USPL1: variants seen among roughly 807,000 people sequenced by gnomAD.
USPL1 encodes the protein ubiquitin specific peptidase like 1.
In USPL1, 27 loss-of-function variants were observed where a neutral mutation model predicts 51.5. That is an observed-to-expected ratio of 0.52 (90% CI 0.39 to 0.72). The LOEUF (loss-of-function observed/expected upper bound fraction) is 0.72. Ranked by LOEUF, USPL1 falls within the 30% of genes least tolerant of loss-of-function variation. The probability of loss-of-function intolerance (pLI) is 0.00; values close to 1 mark genes in which losing one functional copy is unlikely to be tolerated. For missense variants in USPL1, 1,226 were observed against 1,268.0 expected (o/e 0.97, Z 0.50); for synonymous variants, 451 against 459.6 (o/e 0.98, Z 0.24).
chr13:30,639,941 G>C (rs1262571834), intron 5 of USPL1, among the ~76,000 whole-genome samples: 1 of 152,114 alleles, frequency 6.6e-6, no homozygotes, highest in African/African-American at 2.4e-5. Flanking sequence ...CCTCCGCCAT[G>C]GGCCTGGTTT....
At chr13:30,629,301 T>A (rs1009555740) in intron 3 of USPL1, among the ~76,000 whole-genome samples, 9 of 152,000 alleles carry the variant, frequency 5.9e-5, no homozygotes, top group Non-Finnish European at 4.4e-5. Context: ...CCCAGGAGTT[T>A]GAGAGCAGCC....
intron 5 of USPL1, among the ~76,000 whole-genome samples, chr13:30,639,523 G>A (rs1202816860): frequency 6.6e-6 from 1 of 151,992 alleles, no homozygotes; most frequent in Non-Finnish European, 1.5e-5. Flanking sequence ...CTGAAGAACT[G>A]TTGTAATTTA....
intron 4 of USPL1, among the ~76,000 whole-genome samples, chr13:30,635,533 T>TTAC (rs1566051564): frequency 1.3e-5 from 2 of 152,006 alleles, no homozygotes; most frequent in African/African-American, 4.8e-5. Flanking sequence ...TAAATTATTA[T>TTAC]GGCTACCTTG....
chr13:30,652,584 A>G (rs1235422724), intron 7 of USPL1, among the ~76,000 whole-genome samples: 1 of 152,264 alleles, frequency 6.6e-6, no homozygotes, highest in Non-Finnish European at 1.5e-5. Context: ...ATTGACCAAT[A>G]TGTTGTATTT....
At chr13:30,634,508 CTTG>C (rs770695744) in intron 4 of USPL1, among the ~76,000 whole-genome samples, 7 of 152,088 alleles carry the variant, frequency 4.6e-5, no homozygotes, top group African/African-American at 1.7e-4. Context: ...ACCTTTTTTT[CTTG>C]TTGTAAAAAT....
intron 1 of USPL1, among the ~76,000 whole-genome samples, chr13:30,619,235 A>C (rs112732966): frequency 6.6e-5 from 10 of 152,298 alleles, no homozygotes; most frequent in African/African-American, 2.4e-4. Context: ...TGGAAGAAGA[A>C]CTGGGGAGCC....
chr13:30,628,849 G>A (rs1345780303), intron 3 of USPL1, among the ~76,000 whole-genome samples: 1 of 152,230 alleles, frequency 6.6e-6, no homozygotes, highest in Non-Finnish European at 1.5e-5. Flanking sequence ...TGCAGTGAAT[G>A]TGGGTGTGCA....
Position 30,658,386 on chromosome 13 carries a change from T to C in USPL1, c.2309T>C (p.Phe770Ser), listed in dbSNP as rs1951199417. Residue 770 changes from phenylalanine to serine, a missense_variant, in exon 9 of 9, where the codon TTT becomes TCT. Phe to Ser is a radical substitution (Grantham distance 155, BLOSUM62 -2). Coordinates refer to ENST00000255304, the MANE Select transcript of USPL1 (RefSeq NM_005800.5). ...GGCTTAATAAGCAGGGGTGCTTCTT[T>C]TATGCCACTCTGTGTTTCAGCTCAT... The part of the protein sequence containing the change: ...VKGLISRGAS[F>S]MPLCVSAHNR... 1.2e-6 allele frequency: 2 copies of C among 1,613,676 alleles called. No individual in the cohort carries two copies. Among genetic ancestry groups the C allele is most frequent in the Non-Finnish European group, 1.7e-6 (2 of 1,180,002 alleles).
chr13:30,654,459 C>T (rs1951133765), intron 8 of USPL1, among the ~76,000 whole-genome samples: 1 of 151,812 alleles, frequency 6.6e-6, no homozygotes, highest in South Asian at 2.1e-4. Context: ...TCTCAAACTC[C>T]TGGGCTCAAG....
intron 8 of USPL1, among the ~76,000 whole-genome samples, chr13:30,655,008 G>A (rs1951142429): frequency 6.6e-6 from 1 of 150,966 alleles, no homozygotes; most frequent in African/African-American, 2.4e-5. Context: ...GCGCAGTCTT[G>A]TCTCACCACC....
intron 5 of USPL1, among the ~76,000 whole-genome samples, chr13:30,641,737 C>T (rs377067004): frequency 6.6e-4 from 101 of 152,296 alleles, no homozygotes; most frequent in African/African-American, 2.2e-3. Context: ...TTAAGAAGAA[C>T]GGTAGATGAA....
intron 3 of USPL1, among the ~76,000 whole-genome samples, chr13:30,630,048 C>T (rs949557053): frequency 6.6e-6 from 1 of 152,056 alleles, no homozygotes; most frequent in Non-Finnish European, 1.5e-5. Context: ...GCAATCATAG[C>T]TCATTGCAGC....
chr13:30,621,953 T>A, intron 3 of USPL1, 61 bp downstream of exon 3: 1 of 1,183,304 alleles, frequency 8.5e-7, no homozygotes, highest in Non-Finnish European at 1.1e-6. Context: ...GCTTTTTTAT[T>A]AATTGTTTTA....
intron 1 of USPL1, among the ~76,000 whole-genome samples, chr13:30,619,769 T>C (rs2137594198): frequency 1.3e-5 from 2 of 152,304 alleles, no homozygotes; most frequent in Middle Eastern, 3.4e-3. Context: ...TAGTTCTCTT[T>C]TGTAAGTAGA....
intron 5 of USPL1, among the ~76,000 whole-genome samples, chr13:30,641,422 C>G (rs1371970372): frequency 1.3e-5 from 2 of 151,626 alleles, no homozygotes; most frequent in East Asian, 3.9e-4. Context: ...ATGTTCCAGG[C>G]AACTGTAGTT....
chr13:30,635,618 C>T (rs1043957711), intron 4 of USPL1, among the ~76,000 whole-genome samples: 1 of 152,094 alleles, frequency 6.6e-6, no homozygotes, highest in African/African-American at 2.4e-5. Context: ...TCTTACTTGG[C>T]CATATATATT....
At chr13:30,635,703 T>C (rs1026866252) in intron 4 of USPL1, among the ~76,000 whole-genome samples, 2 of 152,210 alleles carry the variant, frequency 1.3e-5, no homozygotes, top group Non-Finnish European at 2.9e-5. Context: ...ATTAATGTGC[T>C]AAAAATTTTG....
intron 4 of USPL1, among the ~76,000 whole-genome samples, chr13:30,636,166 A>G (rs1950872995): frequency 6.6e-6 from 1 of 152,152 alleles, no homozygotes; most frequent in African/African-American, 2.4e-5. Context: ...GCTTTCTCTA[A>G]TTACAGAAAC....
Position 30,630,919 on chromosome 13 carries a change from A to G in USPL1, c.313A>G (p.Lys105Glu). The G allele has an allele frequency of 6.2e-7, 1 of 1,614,164 alleles. No individual in the cohort carries two copies. Among genetic ancestry groups the G allele is most frequent in the Admixed American group, 1.7e-5 (1 of 60,028 alleles). The change falls in exon 4 of 9, where the codon AAA (lysine) becomes GAA (glutamate). Residue 105 changes from lysine to glutamate, a missense_variant. By Grantham distance (56) the Lys-to-Glu change is moderately conservative (BLOSUM62 1). Coordinates refer to ENST00000255304, the MANE Select transcript of USPL1 (RefSeq NM_005800.5). ...EECHTPHKPQ[K>E]RKSLESSYKD... ...ATGTCACACTCCACATAAGCCTCAG[A>G]AAAGGAAGAGCTTAGAAAGCAGCTA...
Sources: allele counts gnomAD v4.1 joint callset (sites outside exome capture counted in the v4.1 genomes callset), GRCh38; gene constraint gnomAD v4.1.1; transcripts MANE v1.5; gene names NCBI Gene and HGNC (gene_info 2026-07-23, HGNC 2026-07-21).